The following EFTUD2 variants were observed in gnomAD, a reference collection of about 807,000 sequenced individuals.
EFTUD2 encodes the protein elongation factor Tu GTP binding domain containing 2, also known as 116 kDa U5 small nuclear ribonucleoprotein component.
In EFTUD2, 9 loss-of-function variants were observed where a neutral mutation model predicts 114.3. The observed-to-expected ratio is 0.08, with a 90% CI of 0.05 to 0.14. The LOEUF is 0.14. Among genes scored for constraint, EFTUD2 ranks in the 10% least tolerant of loss-of-function variants. The pLI is 1.00. For missense variants in EFTUD2, 765 were observed against 1,241.2 expected, an observed-to-expected ratio of 0.62 and a Z score of 5.76; for synonymous variants, 449 against 462.3, an observed-to-expected ratio of 0.97 and a Z score of 0.37.
chr17:44,858,014 C>A (rs972566239), intron 19 of EFTUD2, among the ~76,000 whole-genome samples: 1 of 150,188 alleles, frequency 6.7e-6, no homozygotes, highest in Non-Finnish European at 1.5e-5. Flanking sequence ...CTCTGCCACC[C>A]GGTTTCAAAC....
intron 2 of EFTUD2, 78 bp downstream of exon 2, chr17:44,894,339 C>T: frequency 7.8e-7 from 1 of 1,280,826 alleles, no homozygotes; most frequent in African/African-American, 1.5e-5. Flanking sequence ...CACTGCACTC[C>T]AACCTGGCAA....
At chr17:44,876,208 A>C (rs747746811) in intron 9 of EFTUD2, 108 bp from the exon 10 acceptor site, 75 of 1,325,676 alleles carry the variant, frequency 5.7e-5, no homozygotes, top group Non-Finnish European at 7.4e-5. Context: ...GGGGAGAAAA[A>C]AAGACCTCGG....
At chr17:44,891,407 T>C (rs2051276274) in intron 2 of EFTUD2, among the ~76,000 whole-genome samples, 1 of 152,206 alleles carries the variant, frequency 6.6e-6, no homozygotes, top group East Asian at 1.9e-4. Flanking sequence ...TAGAGTGCAG[T>C]GGCATGACCA....
At chr17:44,864,810 T>C (rs1000870384) in intron 14 of EFTUD2, 120 bp downstream of exon 14, 1 of 1,427,612 alleles carries the variant, frequency 7.0e-7, no homozygotes, top group Admixed American at 2.1e-5. Context: ...TCTGAATCTG[T>C]GGTTTGTTGA....
chr17:44,854,796 G>C lies in EFTUD2; in HGVS notation c.2133-114C>G. On this transcript the variant is annotated intron_variant, in intron 21 of 27. Transcript: ENST00000426333. This position sits in a 1 kb window ranked among gnomAD's most constrained non-coding sequence, Gnocchi z 4.3. ...CACTTCATCCTACCCACTGTGCCCA[G>C]AACAAGAGCAAAGGCAAAGACATAA... 1.9e-6 allele frequency: 3 copies of C among 1,575,404 alleles called. No homozygotes were observed. The highest frequency in any genetic ancestry group is 1.1e-5 in the South Asian group (1 of 88,286).
intron 19 of EFTUD2, 70 bp from the exon 20 acceptor site, chr17:44,857,227 G>C (rs542079714): frequency 3.0e-6 from 4 of 1,333,126 alleles, no homozygotes; most frequent in East Asian, 4.6e-5. Flanking sequence ...TTACCTAAGG[G>C]AATTCAGAAG....
chr17:44,887,637 T>C (rs2145561696), intron 2 of EFTUD2, among the ~76,000 whole-genome samples: 1 of 152,256 alleles, frequency 6.6e-6, no homozygotes, highest in South Asian at 2.1e-4. Flanking sequence ...TAGGCGAATC[T>C]ATATAGACAG....
At chr17:44,880,492 T>G (rs538992800) in intron 8 of EFTUD2, 62 bp downstream of exon 8, 2 of 1,314,702 alleles carry the variant, frequency 1.5e-6, no homozygotes, top group African/African-American at 2.9e-5. Flanking sequence ...CTCCGAAAAG[T>G]GAGAGGACAC....
intron 18 of EFTUD2, chr17:44,859,663 C>T (rs1364181949): frequency 3.4e-6 from 2 of 582,336 alleles, no homozygotes; most frequent in African/African-American, 4.3e-5. Flanking sequence ...ACACACACAA[C>T]CTTGTCCTAT....
intron 10 of EFTUD2, among the ~76,000 whole-genome samples, chr17:44,873,986 G>A (rs1168988616): frequency 2.0e-5 from 3 of 149,994 alleles, no homozygotes; most frequent in Non-Finnish European, 3.0e-5. Context: ...CGCCCGCCTC[G>A]GCCTCCCAAA....
At chr17:44,875,806 G>A (rs1370298550) in intron 10 of EFTUD2, 128 bp downstream of exon 10, 2 of 1,101,890 alleles carry the variant, frequency 1.8e-6, no homozygotes, top group African/African-American at 1.6e-5. Context: ...CCCAGGATGT[G>A]CCTCTAGTTT....
chr17:44,878,301 G>C (rs1397264929), intron 9 of EFTUD2, among the ~76,000 whole-genome samples: 1 of 152,204 alleles, frequency 6.6e-6, no homozygotes, highest in Non-Finnish European at 1.5e-5. Context: ...TCACGAGGAA[G>C]TATTAGACAA....
chr17:44,865,572 A>ATC (rs1459810495), intron 13 of EFTUD2, among the ~76,000 whole-genome samples: 1 of 152,084 alleles, frequency 6.6e-6, no homozygotes, highest in Non-Finnish European at 1.5e-5. Context: ...GTCTGACATA[A>ATC]GATACTAAGT....
chr17:44,885,124 G>A (rs1363183003), intron 4 of EFTUD2, 132 bp downstream of exon 4: 1 of 697,720 alleles, frequency 1.4e-6, no homozygotes, highest in Non-Finnish European at 2.5e-6. Context: ...AGCCACACAA[G>A]CTGAAGGAGA....
rs377238998 is a variant in EFTUD2 at position 44,863,692 on chromosome 17, G to T, written c.1376C>A (p.Ser459Tyr). ...GTCACTCATAGCCTCGCCGAGGTCG[G>T]AGTCCACACCACCGGTGTAGGTGTG... ...IEHTYTGGVD[S>Y]DLGEAMSDCD... Residue 459 changes from serine (S) to tyrosine (Y), a missense_variant, in exon 15 of 28, where the codon TCC becomes TAC. Physicochemically the swap from Ser to Tyr is moderately radical, Grantham distance 144 (BLOSUM62 -2). This residue lies in a region of EFTUD2 where 59 missense variants were observed against 50.1 expected (regional missense o/e 1.18). Coordinates refer to ENST00000426333, the MANE Select transcript of EFTUD2 (RefSeq NM_004247.4). The T allele has an allele frequency of 1.5e-5, 24 of 1,614,062 alleles. No individual in the cohort carries two copies. Among genetic ancestry groups the T allele is most frequent in the Middle Eastern group, 1.6e-4 (1 of 6,084 alleles).
At chr17:44,879,887 A>G (rs767256312) in intron 8 of EFTUD2, among the ~76,000 whole-genome samples, 11 of 152,132 alleles carry the variant, frequency 7.2e-5, no homozygotes, top group Admixed American at 2.0e-4. Flanking sequence ...GCATGAGTCC[A>G]CACACACAGA....
rs2051180942 is a variant in EFTUD2 at position 44,886,727 on chromosome 17, A to G, written c.129T>C (p.Asp43=). ...LDEMDDDDDD[D]DVGDHDDDHP... is the part of the protein sequence containing the mutation. ...GGTCATCGTCATGATCTCCTACGTC[A>G]TCGTCGTCGTCATCATCATCCATCT... The change falls in exon 3 of 28, where the codon GAT becomes GAC. Residue 43 remains aspartate, a synonymous_variant. Coordinates refer to ENST00000426333, the MANE Select transcript of EFTUD2 (RefSeq NM_004247.4). 2 of 1,613,910 alleles carry G rather than the reference A, an allele frequency of 1.2e-6. No homozygotes were observed. The highest frequency in any genetic ancestry group is 8.5e-7 in the Non-Finnish European group (1 of 1,179,958).
rs987175603 is a variant in EFTUD2 at position 44,866,306 on chromosome 17, G to A, written c.1150-1241C>T. 3.9e-5 allele frequency among the ~76,000 whole-genome samples: 6 copies of A among 152,292 alleles called. No individual in the cohort carries two copies. In the South Asian group the frequency reaches 1.2e-3, roughly 32 times the overall value. The stretch of plus-strand genomic sequence containing the variant: ...CACTCAGGCTGGAATGCAGTGGTGT[G>A]TGATCATGGATCACTGCAGCTTTGA... On this transcript the variant is annotated intron_variant, in intron 13 of 27. Coordinates refer to ENST00000426333, the MANE Select transcript of EFTUD2 (RefSeq NM_004247.4).
chr17:44,893,478 G>C (rs1333491115), intron 2 of EFTUD2, among the ~76,000 whole-genome samples: 3 of 152,188 alleles, frequency 2.0e-5, no homozygotes, highest in Admixed American at 1.3e-4. Context: ...AGCTCCCAGT[G>C]CAGCTGTAGC....
Sources: allele counts gnomAD v4.1 joint callset (sites outside exome capture counted in the v4.1 genomes callset), GRCh38; gene constraint gnomAD v4.1.1; regional missense constraint gnomAD v4.1.1; non-coding constraint Gnocchi (gnomAD v3.1); transcripts MANE v1.5; gene names NCBI Gene and HGNC (gene_info 2026-07-23, HGNC 2026-07-21).